COL4A2: variants seen among roughly 807,000 people sequenced by gnomAD.
COL4A2 encodes collagen alpha-2(IV) chain.
In COL4A2, 99 loss-of-function variants were observed where a neutral mutation model predicts 200.2. The ratio of observed to expected loss-of-function variants is 0.49; its 90% CI spans 0.42 to 0.58. COL4A2 has a LOEUF of 0.58. Ranked by LOEUF, COL4A2 falls within the 20% of genes least tolerant of loss-of-function variation. COL4A2 has a pLI of 0.00. For synonymous variants in COL4A2, 897 were observed against 900.6 expected (o/e 1.00, Z 0.07); for missense variants, 1,950 against 2,314.1 (o/e 0.84, Z 3.23).
chr13:110,458,019 T>C, intron 21 of COL4A2: 1 of 428,134 alleles, frequency 2.3e-6, no homozygotes, highest in South Asian at 1.8e-5. Context: ...CTGTGGGCCC[T>C]GGTGTGGTGC....
At chr13:110,442,744 T>C (rs1881174208) in intron 16 of COL4A2, among the ~76,000 whole-genome samples, 1 of 152,250 alleles carries the variant, frequency 6.6e-6, no homozygotes. Context: ...TAGAGATGGT[T>C]TCGTCTCCTC....
At chr13:110,488,822 A>G (rs1229883047) in intron 34 of COL4A2, among the ~76,000 whole-genome samples, 1 of 152,216 alleles carries the variant, frequency 6.6e-6, no homozygotes, top group African/African-American at 2.4e-5. Flanking sequence ...ATGTAGTCAG[A>G]GTCACCGCCG....
chr13:110,357,401 G>A (rs919453792), intron 3 of COL4A2, 71 bp from the exon 4 acceptor site: 11 of 1,538,294 alleles, frequency 7.2e-6, no homozygotes, highest in Non-Finnish European at 9.7e-6. Flanking sequence ...CTCAACAGAT[G>A]ATATTTTAAT....
rs542552114 is a variant in COL4A2, at chr13:110,368,837, G to A, written c.180+11285G>A. Among the ~76,000 whole-genome samples the A allele has an allele frequency of 1.3e-3, 79 of 61,440 alleles. No homozygotes were observed. In the South Asian group the frequency reaches 0.069, roughly 54 times the overall value. The allele number at this position is 61,440 out of a possible 152,430, so 40.3% of individuals were successfully genotyped here. A position where few individuals can be genotyped will look rare whatever the true frequency, so the allele number is the denominator to read the frequency against. ...ATTTTTCTAATTCACAATCAACTAA[G>A]GCCAAAGAAAAGGGGGGGGGGGGGT... is the stretch of plus-strand genomic sequence containing the variant. On this transcript the variant is annotated intron_variant, in intron 4 of 47. Coordinates refer to ENST00000360467, the MANE Select transcript of COL4A2 (RefSeq NM_001846.4).
chr13:110,351,219 T>TTG (rs1555322829), intron 3 of COL4A2, among the ~76,000 whole-genome samples: 57 of 150,032 alleles, frequency 3.8e-4, no homozygotes, highest in African/African-American at 1.4e-3. Flanking sequence ...CAGCTATTCT[T>TTG]TTTGTTTGTT....
In COL4A2 at chr13:110,489,527, G is replaced by T; in HGVS notation, c.3271+19G>T. ...GATTTCGGTGAGTGTTGCCCGTCCA[G>T]TGAAAACAGGGAGTCCACAATTCAG... On this transcript the variant is annotated intron_variant, in intron 35 of 47. Transcript: ENST00000360467. 1.2e-6 allele frequency: 2 copies of T among 1,614,024 alleles called. No individual in the cohort carries two copies. Among genetic ancestry groups the T allele is most frequent in the African/African-American group, 1.3e-5 (1 of 75,054 alleles).
At chr13:110,354,693 C>T (rs1045322922) in intron 3 of COL4A2, among the ~76,000 whole-genome samples, 29 of 149,670 alleles carry the variant, frequency 1.9e-4, no homozygotes, top group African/African-American at 7.2e-4. Context: ...ATAAGAAGAA[C>T]ATAAAAAACG....
At chr13:110,378,913 G>T (rs1878352147) in intron 4 of COL4A2, among the ~76,000 whole-genome samples, 1 of 152,184 alleles carries the variant, frequency 6.6e-6, no homozygotes, top group Non-Finnish European at 1.5e-5. Context: ...AATGGAAGCT[G>T]CTTCATATGA....
At chr13:110,439,686 A>T in intron 15 of COL4A2, 103 bp from the exon 16 acceptor site, 1 of 1,577,136 alleles carries the variant, frequency 6.3e-7, no homozygotes, top group Non-Finnish European at 8.6e-7. Context: ...CAATCTGTCC[A>T]TCGGCATTTT....
chr13:110,336,482 C>T lies in COL4A2; in HGVS notation c.100-20990C>T, dbSNP rs1476221129. Among the ~76,000 whole-genome samples, 6 of 152,318 alleles carry T rather than the reference C, an allele frequency of 3.9e-5. No individual in the cohort carries two copies. In the South Asian group the frequency reaches 8.3e-4, roughly 21 times the overall value. ...AGCGGCCGCTGGAGGAGGGCTCCTG[C>T]GCGCTGCCCAGGGCTGGGCTTTCTT... On this transcript the variant is annotated intron_variant, in intron 3 of 47. Transcript: ENST00000360467.
intron 3 of COL4A2, among the ~76,000 whole-genome samples, chr13:110,344,857 A>G (rs1033347005): frequency 6.6e-6 from 1 of 152,198 alleles, no homozygotes; most frequent in Non-Finnish European, 1.5e-5. Context: ...ATATTTCTTT[A>G]CTTGAGAAGT....
intron 4 of COL4A2, among the ~76,000 whole-genome samples, chr13:110,423,283 T>C (rs1880328057): frequency 6.6e-6 from 1 of 152,196 alleles, no homozygotes; most frequent in Non-Finnish European, 1.5e-5. Flanking sequence ...TTTTAAAACA[T>C]TTTTATTGTG....
At chr13:110,466,975 C>T in intron 26 of COL4A2, 65 bp from the exon 27 acceptor site, 1 of 1,607,420 alleles carries the variant, frequency 6.2e-7, no homozygotes, top group South Asian at 1.1e-5. Context: ...CTTGGGGATC[C>T]CCAAGGCCGT....
At chr13:110,341,564 T>G (rs1217425272) in intron 3 of COL4A2, among the ~76,000 whole-genome samples, 1 of 152,240 alleles carries the variant, frequency 6.6e-6, no homozygotes, top group Non-Finnish European at 1.5e-5. Flanking sequence ...TTCTGGGGAA[T>G]GTCCACCTGC....
At position 110,480,226 on chromosome 13, in the gene COL4A2, C is replaced by G. The variant is rs1882852097; in HGVS notation, c.2594C>G (p.Pro865Arg). ...LPGIPGREGL[P>R]GDRGDPGDTG... The stretch of plus-strand genomic sequence containing the variant: ...TTGCTCCTCTTCCTGACAGGTCTGC[C>G]TGGTGATAGAGGGGACCCTGGGGAC... The change falls in exon 31 of 48, where the codon CCT becomes CGT. Residue 865 changes from proline (P) to arginine (R), a missense_variant. Pro to Arg is a moderately radical substitution (Grantham distance 103). Coordinates refer to ENST00000360467, the MANE Select transcript of COL4A2 (RefSeq NM_001846.4). 6.2e-7 allele frequency: 1 copy of G among 1,600,108 alleles called. No individual in the cohort carries two copies. The highest frequency in any genetic ancestry group is 1.1e-5 in the South Asian group (1 of 88,758).
chr13:110,485,161 C>T (rs1321830793), intron 33 of COL4A2, 134 bp downstream of exon 33: 17 of 722,808 alleles, frequency 2.4e-5, no homozygotes, highest in Non-Finnish European at 3.7e-5. Context: ...TCTCTGGGCG[C>T]CCTGTGTGTC....
chr13:110,434,324 T>G, intron 11 of COL4A2, 77 bp from the exon 12 acceptor site: 1 of 1,459,744 alleles, frequency 6.9e-7, no homozygotes. Context: ...CTTGGGTTTC[T>G]TTTTCTAAGA....
chr13:110,451,087 C>T (rs953532795), intron 20 of COL4A2, among the ~76,000 whole-genome samples: 2 of 152,156 alleles, frequency 1.3e-5, no homozygotes, highest in Admixed American at 6.5e-5. Flanking sequence ...CACCTGCCAC[C>T]CAGTAGTGCA....
At chr13:110,311,009 G>A (rs975739790) in intron 3 of COL4A2, among the ~76,000 whole-genome samples, 4 of 152,202 alleles carry the variant, frequency 2.6e-5, no homozygotes, top group African/African-American at 4.8e-5. Flanking sequence ...CTGAAAGGTG[G>A]CCGGGAGGGC....
Sources: gnomAD v4.1 joint callset for allele counts (sites outside exome capture counted in the v4.1 genomes callset) on GRCh38, gnomAD v4.1.1 for gene constraint, MANE v1.5 for transcripts, NCBI Gene and HGNC (gene_info 2026-07-23, HGNC 2026-07-21) for gene names.